RASSF3: variants seen among roughly 807,000 people sequenced by gnomAD.
RASSF3 encodes ras association domain-containing protein 3.
In RASSF3, 19 loss-of-function variants were observed where a neutral mutation model predicts 19.9. That is an observed-to-expected ratio of 0.96 (90% CI 0.67 to 1.40). The LOEUF (loss-of-function observed/expected upper bound fraction) is 1.40. Among genes scored for constraint, RASSF3 ranks in the 40% most tolerant of loss-of-function variants. RASSF3 has a pLI of 0.00. For missense variants in RASSF3, 306 were observed against 289.8 expected, an observed-to-expected ratio of 1.06 and a Z score of -0.41; for synonymous variants, 110 against 104.2, an observed-to-expected ratio of 1.06 and a Z score of -0.34.
intron 1 of RASSF3, among the ~76,000 whole-genome samples, chr12:64,675,600 G>GAA (rs960680204): frequency 6.6e-6 from 1 of 152,108 alleles, no homozygotes; most frequent in African/African-American, 2.4e-5. Flanking sequence ...ACACTCTTTG[G>GAA]AAAGCATGGC....
intron 2 of RASSF3, among the ~76,000 whole-genome samples, chr12:64,552,651 T>C (rs1387995443): frequency 6.6e-6 from 1 of 152,120 alleles, no homozygotes; most frequent in Non-Finnish European, 1.5e-5. Flanking sequence ...CCCGAGTTAG[T>C]TTGCTGAGAA....
chr12:64,544,362 C>T (rs1057472663), downstream of RASSF3, among the ~76,000 whole-genome samples: 7 of 152,190 alleles, frequency 4.6e-5, no homozygotes, highest in South Asian at 2.1e-4. Context: ...AAACTTCTAA[C>T]ACATCAGAAG....
intron 2 of RASSF3, among the ~76,000 whole-genome samples, chr12:64,590,187 A>G (rs954264520): frequency 1.3e-5 from 2 of 151,510 alleles, no homozygotes; most frequent in Non-Finnish European, 2.9e-5. Flanking sequence ...TAATGAGCTG[A>G]GATGGAGCCA....
intron 2 of RASSF3, among the ~76,000 whole-genome samples, chr12:64,686,686 G>T (rs900715642): frequency 1.3e-5 from 2 of 152,042 alleles, no homozygotes; most frequent in African/African-American, 4.8e-5. Context: ...AATTAGCCAG[G>T]CATGGTGGCG....
chr12:64,579,809 GTT>G (rs34306092), intron 2 of RASSF3, among the ~76,000 whole-genome samples: 2,472 of 137,280 alleles, frequency 0.018, 77 homozygotes, highest in African/African-American at 0.063. Flanking sequence ...GTTTTTTTGG[GTT>G]TTTTTTTTTT....
intron 1 of RASSF3, among the ~76,000 whole-genome samples, chr12:64,520,316 C>T (rs993006306): frequency 4.0e-5 from 6 of 151,822 alleles, no homozygotes; most frequent in Non-Finnish European, 7.4e-5. Flanking sequence ...GCACATGCCG[C>T]CATGCCCGGC....
At chr12:64,623,147 G>GT (rs1181037130) in intron 1 of RASSF3, among the ~76,000 whole-genome samples, 1 of 152,034 alleles carries the variant, frequency 6.6e-6, no homozygotes, top group Non-Finnish European at 1.5e-5. Context: ...ACAAATGCTT[G>GT]TTTCGAGGAA....
intron 1 of RASSF3, among the ~76,000 whole-genome samples, chr12:64,672,442 T>C (rs2136207960): frequency 6.6e-6 from 1 of 152,270 alleles, no homozygotes; most frequent in Non-Finnish European, 1.5e-5. Context: ...GCCAGGCTGA[T>C]CTTGAACTCC....
intron 2 of RASSF3, among the ~76,000 whole-genome samples, chr12:64,599,915 CCAG>C (rs1345373903): frequency 1.3e-5 from 2 of 151,550 alleles, no homozygotes; most frequent in African/African-American, 2.4e-5. Context: ...GCCTGTAGTC[CCAG>C]CTCCTCGGGA....
At chr12:64,569,861 A>T (rs951355514) in intron 2 of RASSF3, among the ~76,000 whole-genome samples, 1 of 152,200 alleles carries the variant, frequency 6.6e-6, no homozygotes, top group Non-Finnish European at 1.5e-5. Flanking sequence ...GCTACTTGGG[A>T]GGCTGAGGCA....
At chr12:64,681,747 T>C (rs1437859721) in intron 1 of RASSF3, among the ~76,000 whole-genome samples, 1 of 152,182 alleles carries the variant, frequency 6.6e-6, no homozygotes, top group Non-Finnish European at 1.5e-5. Context: ...GTGCAGTGGC[T>C]CATACCTGTA....
At chr12:64,544,398 C>T (rs1869015287), downstream of RASSF3, among the ~76,000 whole-genome samples, 1 of 152,216 alleles carries the variant, frequency 6.6e-6, no homozygotes, top group African/African-American at 2.4e-5. Flanking sequence ...ATGCTGCTTT[C>T]AAGAACTGTA....
intron 2 of RASSF3, among the ~76,000 whole-genome samples, chr12:64,579,630 C>CGTGAG (rs1471680982): frequency 6.6e-6 from 1 of 152,024 alleles, no homozygotes; most frequent in African/African-American, 2.4e-5. Flanking sequence ...GGATTACAGG[C>CGTGAG]GTGAGCCACC....
chr12:64,525,671 G>A lies in RASSF3; in HGVS notation c.170-15910G>A, dbSNP rs533391642. Among the ~76,000 whole-genome samples the A allele has an allele frequency of 7.2e-5, 11 of 152,256 alleles. No homozygotes were observed. The East Asian group carries it at 2.1e-3, about 29-fold the overall frequency. ...GGAAAATGGGCTGGCAGGTGGCAGT[G>A]GTGAGCGTGGGCGAAATTCCTGCAG... On this transcript the variant is annotated intron_variant, in intron 1 of 5. Coordinates refer to the RASSF3 transcript ENST00000637125.
intron 1 of RASSF3, among the ~76,000 whole-genome samples, chr12:64,540,702 C>A (rs1236111744): frequency 6.6e-6 from 1 of 152,212 alleles, no homozygotes; most frequent in Non-Finnish European, 1.5e-5. Flanking sequence ...TGCCTGTAAT[C>A]TCAACACTTT....
In RASSF3 at chr12:64,547,110, A is replaced by G. The variant is rs945398087; in HGVS notation, c.294+5405A>G. Among the ~76,000 whole-genome samples the G allele has an allele frequency of 7.9e-5, 12 of 152,112 alleles. 1 individual carries two copies. In the South Asian group the frequency reaches 2.5e-3, roughly 32 times the overall value. ...CAACATGGTGAACCCCGTCTCTACT[A>G]AATATTAAAAAATGAGCCAAGTGTG... On this transcript the variant is annotated intron_variant, in intron 2 of 5. Coordinates refer to the RASSF3 transcript ENST00000637125.
At chr12:64,531,546 G>A (rs763404530), upstream of RASSF3, among the ~76,000 whole-genome samples, 2 of 152,128 alleles carry the variant, frequency 1.3e-5, no homozygotes, top group Non-Finnish European at 2.9e-5. Flanking sequence ...TTTCCAAAAT[G>A]AACATTTTTT....
intron 1 of RASSF3, among the ~76,000 whole-genome samples, chr12:64,523,933 GCCCAGTT>G (rs1868530316): frequency 6.6e-6 from 1 of 152,038 alleles, no homozygotes; most frequent in Non-Finnish European, 1.5e-5. Context: ...CTGCCCCACA[GCCCAGTT>G]CCTGAGCTCA....
chr12:64,624,161 G>T (rs1364084798), intron 1 of RASSF3, among the ~76,000 whole-genome samples: 1 of 151,888 alleles, frequency 6.6e-6, no homozygotes, highest in African/African-American at 2.4e-5. Context: ...GTTTCATAAA[G>T]GCAAACCTAG....
Sources: allele counts gnomAD v4.1 joint callset (sites outside exome capture counted in the v4.1 genomes callset), GRCh38; gene constraint gnomAD v4.1.1; transcripts MANE v1.5; gene names NCBI Gene and HGNC (gene_info 2026-07-23, HGNC 2026-07-21).